Variants in NBAS observed in about 807,000 individuals in gnomAD.
The protein encoded by NBAS is NAG/BC035112 fusion.
In NBAS, 219 loss-of-function variants were observed where a neutral mutation model predicts 302.5. The ratio of observed to expected loss-of-function variants is 0.72; its 90% confidence interval spans 0.65 to 0.81. NBAS has a LOEUF of 0.81. NBAS is among the 30% of genes least tolerant of loss of function. The pLI, the probability that NBAS is intolerant of heterozygous loss-of-function variation, is 0.00. For synonymous variants in NBAS, 1,118 were observed against 1,021.6 expected, an observed-to-expected ratio of 1.09 and a Z score of -1.80; for missense variants, 2,932 against 2,841.6, an observed-to-expected ratio of 1.03 and a Z score of -0.72.
At chr2:15,307,896 G>C (rs1000034023) in intron 40 of NBAS, among the ~76,000 whole-genome samples, 1 of 151,934 alleles carries the variant, frequency 6.6e-6, no homozygotes, top group Non-Finnish European at 1.5e-5. Flanking sequence ...CTTTTAGAAA[G>C]TAAGTTAAAA....
intron 25 of NBAS, among the ~76,000 whole-genome samples, chr2:15,406,245 A>G (rs1050753053): frequency 2.0e-5 from 3 of 152,160 alleles, no homozygotes; most frequent in African/African-American, 7.2e-5. Flanking sequence ...AGTAGAATAT[A>G]GAAACTCTAG....
At chr2:14,782,376 G>A in the NBAS span, among the ~76,000 whole-genome samples, 16 of 152,140 alleles carry the variant, frequency 1.1e-4, no homozygotes, top group African/African-American at 2.6e-4. Flanking sequence ...ATCACTGATC[G>A]TTAGAGAAAT....
At chr2:14,779,737 G>T in the NBAS span, among the ~76,000 whole-genome samples, 4 of 152,122 alleles carry the variant, frequency 2.6e-5, no homozygotes, top group Non-Finnish European at 5.9e-5. Context: ...ATATTTGTTT[G>T]TTGTCTCACT....
intron 38 of NBAS, among the ~76,000 whole-genome samples, chr2:15,318,553 T>C (rs936617642): frequency 6.6e-6 from 1 of 152,024 alleles, no homozygotes; most frequent in African/African-American, 2.4e-5. Context: ...TGAAGGAAGA[T>C]CTACCAAGCA....
chr2:15,450,654 G>A (rs1224163795), intron 21 of NBAS, among the ~76,000 whole-genome samples: 3 of 151,848 alleles, frequency 2.0e-5, no homozygotes. Context: ...TCCTTTATAT[G>A]GAACACAAGT....
the NBAS span, among the ~76,000 whole-genome samples, chr2:15,139,501 GGTGTGT>G: frequency 2.0e-5 from 3 of 148,544 alleles, no homozygotes; most frequent in African/African-American, 7.4e-5. Flanking sequence ...TTTAGTGTAT[GGTGTGT>G]GTGTGTGTGT....
chr2:14,793,068 TTCTC>T, the NBAS span, among the ~76,000 whole-genome samples: 1,399 of 146,980 alleles, frequency 9.5e-3, 6 homozygotes, highest in Middle Eastern at 0.021. Context: ...CTGTCTCTGT[TTCTC>T]TCTCTCTCTC....
At chr2:15,236,531 A>G (rs1376709129) in intron 45 of NBAS, among the ~76,000 whole-genome samples, 1 of 145,462 alleles carries the variant, frequency 6.9e-6, no homozygotes, top group East Asian at 2.0e-4. Flanking sequence ...CTGTCTCAAA[A>G]AAAAAAAAAA....
At chr2:15,366,141 T>G (rs1259595444) in intron 32 of NBAS, among the ~76,000 whole-genome samples, 1 of 152,214 alleles carries the variant, frequency 6.6e-6, no homozygotes, top group Non-Finnish European at 1.5e-5. Flanking sequence ...TAACAAATTG[T>G]TCAGGTTCAA....
chr2:15,018,002 C>A, the NBAS span, among the ~76,000 whole-genome samples: 1,524 of 152,034 alleles, frequency 0.01, 31 homozygotes, highest in African/African-American at 0.036. Flanking sequence ...ATGGATGGAA[C>A]TGGAGGACAT....
At chr2:14,904,866 G>A in the NBAS span, among the ~76,000 whole-genome samples, 89 of 151,744 alleles carry the variant, frequency 5.9e-4, no homozygotes, top group South Asian at 4.6e-3. Context: ...TGGCTAACAC[G>A]GTGAAACGCT....
the NBAS span, among the ~76,000 whole-genome samples, chr2:14,918,607 G>T: frequency 1.3e-5 from 2 of 152,228 alleles, no homozygotes; most frequent in East Asian, 3.8e-4. Flanking sequence ...AGAAGGCTGT[G>T]GTCCTTAGTC....
intron 47 of NBAS, among the ~76,000 whole-genome samples, chr2:15,223,504 A>T (rs1006933242): frequency 6.6e-6 from 1 of 152,214 alleles, no homozygotes; most frequent in African/African-American, 2.4e-5. Flanking sequence ...CTTAAAAATT[A>T]AAAAAGAACA....
the NBAS span, among the ~76,000 whole-genome samples, chr2:15,110,020 A>G: frequency 3.7e-4 from 55 of 148,940 alleles, no homozygotes; most frequent in African/African-American, 1.4e-3. Flanking sequence ...AATGACAGTA[A>G]AATAATTTTT....
chr2:15,403,863 T>TTG (rs1676272073), intron 25 of NBAS, among the ~76,000 whole-genome samples: 3 of 100,930 alleles, frequency 3.0e-5, no homozygotes, highest in Non-Finnish European at 4.3e-5. Context: ...TTTCCTTCCT[T>TTG]CGTGTGTGTG....
intron 28 of NBAS, among the ~76,000 whole-genome samples, chr2:15,389,982 T>A (rs1675506526): frequency 6.6e-6 from 1 of 152,130 alleles, no homozygotes; most frequent in Non-Finnish European, 1.5e-5. Context: ...CCAAAGCAGA[T>A]AAAGCACATG....
chr2:14,916,517 G>A, the NBAS span, among the ~76,000 whole-genome samples: 1 of 152,118 alleles, frequency 6.6e-6, no homozygotes, highest in East Asian at 1.9e-4. Flanking sequence ...TCGCATCTAA[G>A]TTATATCCCG....
chr2:15,094,228 C>G, the NBAS span, among the ~76,000 whole-genome samples: 1 of 152,214 alleles, frequency 6.6e-6, no homozygotes, highest in Non-Finnish European at 1.5e-5. Context: ...ATTAAGGTAA[C>G]TGTTTGGAAA....
chr2:15,003,074 G>C, the NBAS span, among the ~76,000 whole-genome samples: 1 of 152,262 alleles, frequency 6.6e-6, no homozygotes, highest in Non-Finnish European at 1.5e-5. Flanking sequence ...GGGCTGTGAG[G>C]ACTGCCAGCA....
Sources: allele counts gnomAD v4.1 joint callset (sites outside exome capture counted in the v4.1 genomes callset), GRCh38; gene constraint gnomAD v4.1.1; transcripts MANE v1.5; gene names NCBI Gene and HGNC (gene_info 2026-07-23, HGNC 2026-07-21).